Variants in PIK3CB observed in about 807,000 individuals in gnomAD.
PIK3CB encodes the protein phosphatidylinositol 4,5-bisphosphate 3-kinase catalytic subunit beta isoform.
A neutral mutation model predicts 136.8 loss-of-function variants in PIK3CB; 39 were observed. The ratio of observed to expected loss-of-function variants is 0.29; its 90% confidence interval spans 0.22 to 0.37. The LOEUF is 0.37. Ranked by LOEUF, PIK3CB falls within the 10% of genes least tolerant of loss-of-function variation. The pLI, the probability that PIK3CB is intolerant of heterozygous loss-of-function variation, is 1.00. For synonymous variants in PIK3CB, 428 were observed against 436.6 expected (o/e 0.98, Z 0.25); for missense variants, 868 against 1,275.4 (o/e 0.68, Z 4.87).
Position 138,656,179 on chromosome 3 carries a change from G to C in PIK3CB, c.3038C>G (p.Pro1013Arg), listed in dbSNP as rs1480445544. 11 of 1,613,992 alleles carry C rather than the reference G, an allele frequency of 6.8e-6. No homozygotes were observed. The highest frequency in any genetic ancestry group is 2.7e-5 in the African/African-American group (2 of 74,920). Reference sequence around the variant, plus strand: ...TATATCTTTGACTGATGTGAGTTCAGGAAGCCCTGCAGTCAACATCAGCGC... The same window carrying C: ...TATATCTTTGACTGATGTGAGTTCACGAAGCCCTGCAGTCAACATCAGCGC... ...LFALMLTAGL[P>R]ELTSVKDIQY... Residue 1013 changes from proline (P) to arginine (R), a missense_variant, in exon 23 of 24, where the codon CCT (proline) becomes CGT (arginine). Physicochemically the swap from Pro to Arg is moderately radical, Grantham distance 103. This residue lies in a region of PIK3CB where 88 missense variants were observed against 147.8 expected (regional missense o/e 0.60). Transcript: ENST00000674063.
intron 5 of PIK3CB, 97 bp from the exon 6 acceptor site, chr3:138,737,983 C>T (rs2045150099): frequency 1.5e-6 from 1 of 662,206 alleles, no homozygotes; most frequent in Admixed American, 3.4e-5. Flanking sequence ...TACAAATGTA[C>T]ATAATATTTA....
At position 138,734,759 on chromosome 3, in the gene PIK3CB, G is replaced by A. The variant is rs754273613; in HGVS notation, c.847C>T (p.Leu283Phe). 2.5e-6 allele frequency: 4 copies of A among 1,613,246 alleles called. No individual in the cohort carries two copies. Among genetic ancestry groups the A allele is most frequent in the Non-Finnish European group, 3.4e-6 (4 of 1,179,570 alleles). Residue 283 changes from leucine (L) to phenylalanine (F), a missense_variant, in exon 7 of 24, where the codon CTT becomes TTT. Leu to Phe is a conservative substitution (Grantham distance 22). Around this residue, in one of 4 missense-constraint regions of PIK3CB, gnomAD observed 612 missense variants for 801.1 expected, o/e 0.76. Coordinates refer to ENST00000674063, the MANE Select transcript of PIK3CB (RefSeq NM_006219.3). ...VMNRALPHFI[L>F]VECCKIKKMY... ...TTCTTGATCTTGCAGCATTCCACAAGTATAAAATGGGGCAGGGCTCTGTTC... is the reference window on the plus strand; with the variant it reads ...TTCTTGATCTTGCAGCATTCCACAAATATAAAATGGGGCAGGGCTCTGTTC...
At chr3:138,790,367 T>A (rs1180688646) in intron 2 of PIK3CB, among the ~76,000 whole-genome samples, 4 of 151,806 alleles carry the variant, frequency 2.6e-5, no homozygotes, top group Non-Finnish European at 4.4e-5. Context: ...AATCCTAGCA[T>A]TTTGTGAGGC....
chr3:138,710,150 C>T (rs2044467807), intron 10 of PIK3CB, among the ~76,000 whole-genome samples: 1 of 152,068 alleles, frequency 6.6e-6, no homozygotes, highest in Non-Finnish European at 1.5e-5. Flanking sequence ...AGTCACTACA[C>T]TCCAGCCTGG....
chr3:138,666,470 G>A (rs2043412891), intron 19 of PIK3CB, among the ~76,000 whole-genome samples: 1 of 152,060 alleles, frequency 6.6e-6, no homozygotes, highest in South Asian at 2.1e-4. Flanking sequence ...CATTGCACCT[G>A]GATCTTTTAA....
At chr3:138,659,585 G>C (rs2043251678) in intron 21 of PIK3CB, among the ~76,000 whole-genome samples, 1 of 152,008 alleles carries the variant, frequency 6.6e-6, no homozygotes, top group Non-Finnish European at 1.5e-5. Flanking sequence ...AATTATGAAG[G>C]CTAACGTGCA....
At chr3:138,696,669 G>A (rs562603117) in intron 13 of PIK3CB, among the ~76,000 whole-genome samples, 1 of 152,156 alleles carries the variant, frequency 6.6e-6, no homozygotes, top group Non-Finnish European at 1.5e-5. Context: ...AGCTCCTAAA[G>A]GTATAGTGAT....
intron 8 of PIK3CB, among the ~76,000 whole-genome samples, chr3:138,717,929 C>G (rs1311061878): frequency 6.6e-6 from 1 of 152,196 alleles, no homozygotes; most frequent in Non-Finnish European, 1.5e-5. Context: ...TTTATCCAAT[C>G]TGTCACTGAT....
chr3:138,781,252 A>C (rs1487125116), intron 2 of PIK3CB, among the ~76,000 whole-genome samples: 1 of 151,818 alleles, frequency 6.6e-6, no homozygotes, highest in East Asian at 1.9e-4. Context: ...AGATCTTGGC[A>C]CTGCACTCTA....
At chr3:138,702,778 AT>A (rs1382849945) in intron 12 of PIK3CB, among the ~76,000 whole-genome samples, 3 of 152,038 alleles carry the variant, frequency 2.0e-5, no homozygotes, top group Non-Finnish European at 4.4e-5. Context: ...ACAAACACAC[AT>A]TTTTTTACAC....
intron 8 of PIK3CB, among the ~76,000 whole-genome samples, chr3:138,728,775 G>A (rs9863481): frequency 0.61 from 89,335 of 147,126 alleles, 27,474 homozygotes; most frequent in East Asian, 0.98. Context: ...GTGAGACTCC[G>A]TCTCAAAAAA....
chr3:138,780,776 C>G (rs546254481), intron 2 of PIK3CB, among the ~76,000 whole-genome samples: 95 of 152,258 alleles, frequency 6.2e-4, no homozygotes, highest in Non-Finnish European at 7.8e-4. Context: ...TCAAGCCATC[C>G]TCCTGTCTCA....
In PIK3CB at chr3:138,672,910, GAAAAAAAAA is replaced by G. The variant is rs748631273; in HGVS notation, c.2505-7716_2505-7708del. ...CTGGGTGACAGAGTGAGACTCCGTT[GAAAAAAAAA>G]AAAAAAAAAAAGAGAGAGAGAGAAA... On this transcript the variant is annotated intron_variant, in intron 19 of 23. Transcript: ENST00000674063. Among the ~76,000 whole-genome samples the G allele has an allele frequency of 1.3e-4, 8 of 61,378 alleles. No homozygotes were observed. In the South Asian group the frequency reaches 4.1e-3, roughly 32 times the overall value. The allele number at this position is 61,378 out of a possible 152,430, so 40.3% of individuals were successfully genotyped here.
At chr3:138,696,062 C>T (rs2044131349) in intron 13 of PIK3CB, among the ~76,000 whole-genome samples, 2 of 151,260 alleles carry the variant, frequency 1.3e-5, no homozygotes, top group East Asian at 3.9e-4. Context: ...AGCCACTGCA[C>T]TCAGCATAAA....
chr3:138,701,627 T>C (rs1298926444), intron 12 of PIK3CB, among the ~76,000 whole-genome samples: 4 of 151,164 alleles, frequency 2.6e-5, no homozygotes, highest in African/African-American at 9.7e-5. Context: ...TCTACTAAAA[T>C]ACAAAAAATT....
At chr3:138,707,132 T>C (rs1308402643) in intron 11 of PIK3CB, 27 bp downstream of exon 11, 2 of 1,269,638 alleles carry the variant, frequency 1.6e-6, no homozygotes, top group South Asian at 1.2e-5. Flanking sequence ...ATTTCATGCA[T>C]AGAGGTCCTT....
chr3:138,825,476 T>G, intron 1 of PIK3CB: 7 of 703,512 alleles, frequency 1.0e-5, no homozygotes, highest in Non-Finnish European at 1.8e-5. Context: ...AGCACTTACA[T>G]TAAGAAAATT....
intron 2 of PIK3CB, among the ~76,000 whole-genome samples, chr3:138,795,176 C>T (rs1319789224): frequency 3.3e-5 from 5 of 149,838 alleles, no homozygotes; most frequent in African/African-American, 9.9e-5. Context: ...AAAAATTAGC[C>T]GACCATAGTG....
intron 8 of PIK3CB, among the ~76,000 whole-genome samples, chr3:138,726,925 C>T (rs2044851802): frequency 6.6e-6 from 1 of 151,896 alleles, no homozygotes; most frequent in South Asian, 2.1e-4. Context: ...GTGGTGCATG[C>T]CTGTAGTCCC....
Sources: gnomAD v4.1 joint callset for allele counts (sites outside exome capture counted in the v4.1 genomes callset) on GRCh38, gnomAD v4.1.1 for gene constraint, gnomAD v4.1.1 regional missense constraint, MANE v1.5 for transcripts, NCBI Gene and HGNC (gene_info 2026-07-23, HGNC 2026-07-21) for gene names.